The following BICD1 variants were observed in gnomAD, a reference collection of about 807,000 sequenced individuals.
BICD1 encodes protein bicaudal D homolog 1.
Under a neutral mutation model 92.5 loss-of-function variants are expected in BICD1, and 35 were observed. The ratio of observed to expected loss-of-function variants is 0.38; its 90% CI spans 0.29 to 0.50. The LOEUF (loss-of-function observed/expected upper bound fraction) is 0.50. BICD1 is among the 20% of genes least tolerant of loss of function. The pLI is 0.93. For synonymous variants in BICD1, 429 were observed against 465.1 expected (o/e 0.92, Z 1.00); for missense variants, 950 against 1,189.8 (o/e 0.80, Z 2.97).
At chr12:32,246,708 C>T (rs1468934533) in intron 2 of BICD1, among the ~76,000 whole-genome samples, 1 of 152,128 alleles carries the variant, frequency 6.6e-6, no homozygotes, top group Non-Finnish European at 1.5e-5. Context: ...ACTTTCCTTG[C>T]CCCACTATTC....
intron 2 of BICD1, among the ~76,000 whole-genome samples, chr12:32,291,643 G>A (rs1219439770): frequency 6.6e-6 from 1 of 151,974 alleles, no homozygotes; most frequent in Non-Finnish European, 1.5e-5. Flanking sequence ...TTTGAGACCA[G>A]CCTGGGCAAC....
chr12:32,328,569 A>C lies in BICD1; in HGVS notation c.2100+14A>C, dbSNP rs1301842420. 5.0e-6 allele frequency: 8 copies of C among 1,602,598 alleles called. No homozygotes were observed. Among genetic ancestry groups the C allele is most frequent in the African/African-American group, 1.3e-5 (1 of 74,558 alleles). ...GCCAACAAGCAGGTAATCTCATTCT[A>C]CTGGTGAAAGCATGCCAGTCAAAGC... On this transcript the variant is annotated intron_variant, in intron 5 of 9. Coordinates refer to ENST00000652176, the MANE Select transcript of BICD1 (RefSeq NM_001714.4). The surrounding 1 kb of genome is among the most constrained non-coding windows in gnomAD (Gnocchi z 4.4).
At chr12:32,344,106 G>C (rs1938480559) in intron 8 of BICD1, among the ~76,000 whole-genome samples, 1 of 152,144 alleles carries the variant, frequency 6.6e-6, no homozygotes, top group Non-Finnish European at 1.5e-5. Context: ...GGAGGTAGGA[G>C]ACAAATATGT....
At chr12:32,342,165 T>TGTGTGTATATATAC (rs1491370583) in intron 8 of BICD1, among the ~76,000 whole-genome samples, 6 of 139,464 alleles carry the variant, frequency 4.3e-5, no homozygotes, top group African/African-American at 1.4e-4. Context: ...TGTATATATA[T>TGTGTGTATATATAC]GTATATATAT....
chr12:32,141,529 A>G (rs1942919276), intron 1 of BICD1, among the ~76,000 whole-genome samples: 1 of 152,092 alleles, frequency 6.6e-6, no homozygotes, highest in Non-Finnish European at 1.5e-5. Flanking sequence ...GCTGGAGTGC[A>G]GTGGTGCAAT....
At chr12:32,183,541 A>G (rs1344419613) in intron 1 of BICD1, among the ~76,000 whole-genome samples, 1 of 152,182 alleles carries the variant, frequency 6.6e-6, no homozygotes, top group Non-Finnish European at 1.5e-5. Flanking sequence ...CTGGCATTAT[A>G]GGCGTGAGCC....
At chr12:32,235,222 A>T (rs1315133871) in intron 2 of BICD1, among the ~76,000 whole-genome samples, 1 of 152,168 alleles carries the variant, frequency 6.6e-6, no homozygotes, top group East Asian at 1.9e-4. Context: ...GTTGGTTTGT[A>T]AAAACAGGTG....
intron 1 of BICD1, among the ~76,000 whole-genome samples, chr12:32,173,710 A>T (rs1329094897): frequency 2.0e-5 from 3 of 152,202 alleles, no homozygotes; most frequent in Non-Finnish European, 4.4e-5. Flanking sequence ...ACTTTCTAGA[A>T]ATTATTAGCC....
chr12:32,312,348 T>C (rs545540655), intron 4 of BICD1, among the ~76,000 whole-genome samples: 1 of 152,358 alleles, frequency 6.6e-6, no homozygotes, highest in Non-Finnish European at 1.5e-5. Flanking sequence ...TGCAGACTTC[T>C]GCATTGAAGC....
chr12:32,117,713 C>T (rs1798584), intron 1 of BICD1, among the ~76,000 whole-genome samples: 34,939 of 90,066 alleles, frequency 0.39, 5,149 homozygotes, highest in South Asian at 0.49. Flanking sequence ...AATATATATA[C>T]ACACACACAC....
chr12:32,252,845 G>A (rs997983131), intron 2 of BICD1, among the ~76,000 whole-genome samples: 1 of 152,024 alleles, frequency 6.6e-6, no homozygotes, highest in Non-Finnish European at 1.5e-5. Context: ...CTATCGTTTT[G>A]TTGTTGATTA....
chr12:32,290,357 C>A (rs1029256067), intron 2 of BICD1, among the ~76,000 whole-genome samples: 10 of 152,180 alleles, frequency 6.6e-5, no homozygotes, highest in Non-Finnish European at 1.3e-4. Context: ...GGATAAAAAT[C>A]TTCTGATGCC....
At chr12:32,243,107 T>G (rs1040570107) in intron 2 of BICD1, among the ~76,000 whole-genome samples, 1 of 149,330 alleles carries the variant, frequency 6.7e-6, no homozygotes, top group African/African-American at 2.4e-5. Context: ...AGGATTTTCT[T>G]TTTTTTTTTG....
chr12:32,112,533 G>C (rs1341858740), intron 1 of BICD1, among the ~76,000 whole-genome samples: 1 of 152,170 alleles, frequency 6.6e-6, no homozygotes, highest in South Asian at 2.1e-4. Flanking sequence ...TTGAAAATAC[G>C]GTAATTAATT....
chr12:32,162,862 T>G (rs1298184760), intron 1 of BICD1, among the ~76,000 whole-genome samples: 2 of 152,128 alleles, frequency 1.3e-5, no homozygotes, highest in Non-Finnish European at 2.9e-5. Context: ...GATATGTGCC[T>G]GTGGTCCCAG....
intron 1 of BICD1, among the ~76,000 whole-genome samples, chr12:32,194,607 C>A (rs556828219): frequency 6.6e-6 from 1 of 152,098 alleles, no homozygotes; most frequent in Non-Finnish European, 1.5e-5. Flanking sequence ...ATAGGCCAGG[C>A]GTGGTGGCTC....
rs201826942 is a variant in BICD1, at chr12:32,305,653, C to A, written c.580-44C>A. ...GTGTTTAATGGCAGTTTTGTAAGAT[C>A]CACATTTTAGTTTTATGAATCTTCT... On this transcript the variant is annotated intron_variant, in intron 3 of 9. Transcript: ENST00000652176. 2.0e-6 allele frequency: 3 copies of A among 1,526,884 alleles called. No homozygotes were observed. The African/African-American group carries it at 4.2e-5, about 21-fold the overall frequency. The allele number at this position is 1,526,884 out of a possible 1,614,324, so 94.6% of individuals were successfully genotyped here.
At chr12:32,281,191 A>G (rs1947403068) in intron 2 of BICD1, among the ~76,000 whole-genome samples, 1 of 152,102 alleles carries the variant, frequency 6.6e-6, no homozygotes. Context: ...CAGCTATGAC[A>G]GATCTTTTTA....
chr12:32,227,157 G>A (rs1238573055), intron 2 of BICD1, among the ~76,000 whole-genome samples: 2 of 152,186 alleles, frequency 1.3e-5, no homozygotes, highest in East Asian at 1.9e-4. Context: ...TGCCCCAGAG[G>A]ACAGCCCTAA....
Sources: allele counts gnomAD v4.1 joint callset (sites outside exome capture counted in the v4.1 genomes callset), GRCh38; gene constraint gnomAD v4.1.1; non-coding constraint Gnocchi (gnomAD v3.1); transcripts MANE v1.5; gene names NCBI Gene and HGNC (gene_info 2026-07-23, HGNC 2026-07-21).